Variants in AUTS2 observed in about 807,000 individuals in gnomAD.
AUTS2 encodes the protein activator of transcription and developmental regulator AUTS2.
AUTS2 carries 17 observed loss-of-function variants against 112.4 expected under a neutral mutation model. The observed-to-expected ratio is 0.15, with a 90% CI of 0.10 to 0.23. The LOEUF (loss-of-function observed/expected upper bound fraction) is 0.23. Ranked by LOEUF, AUTS2 falls within the 10% of genes least tolerant of loss-of-function variation. AUTS2 has a pLI of 1.00. For missense variants in AUTS2, 1,510 were observed against 1,701.6 expected, an observed-to-expected ratio of 0.89 and a Z score of 1.98; for synonymous variants, 751 against 702.7, an observed-to-expected ratio of 1.07 and a Z score of -1.09.
chr7:69,866,803 C>T (rs913426995), intron 1 of AUTS2, among the ~76,000 whole-genome samples: 3 of 152,114 alleles, frequency 2.0e-5, no homozygotes, highest in African/African-American at 4.8e-5. Flanking sequence ...TCCACCTTCC[C>T]GGGGATTTTC....
intron 14 of AUTS2, 89 bp downstream of exon 14, chr7:70,777,263 A>G (rs1391428825): frequency 8.3e-7 from 1 of 1,211,366 alleles, no homozygotes; most frequent in Non-Finnish European, 1.2e-6. Flanking sequence ...GGAGGCATTT[A>G]AAACACATTT....
rs1228674594 is a variant in AUTS2 at position 70,043,582 on chromosome 7, TTCCTTCCTTCCTTCCTTCCTTCC to T, written c.523-74548_523-74526del. On this transcript the variant is annotated intron_variant, in intron 2 of 18. Coordinates refer to ENST00000342771, the MANE Select transcript of AUTS2 (RefSeq NM_015570.4). ...CTTCCTTCCTTCCTTCCTTCCTTCC[TTCCTTCCTTCCTTCCTTCCTTCC>T]TTTTTTTTTTTTTTTTATTTTTGGT... is the stretch of plus-strand genomic sequence containing the variant. 3.1e-4 allele frequency among the ~76,000 whole-genome samples: 36 copies of T among 117,714 alleles called. 1 individual carries two copies. The highest frequency in any genetic ancestry group is 9.0e-4 in the South Asian group (3 of 3,340). The allele number at this position is 117,714 out of a possible 152,430, so 77.2% of individuals were successfully genotyped here. A position where few individuals can be genotyped will look rare whatever the true frequency, so the allele number is the denominator to read the frequency against.
intron 6 of AUTS2, among the ~76,000 whole-genome samples, chr7:70,716,039 A>G (rs897124291): frequency 1.3e-5 from 2 of 152,226 alleles, no homozygotes; most frequent in African/African-American, 4.8e-5. Flanking sequence ...AAAAACCTGA[A>G]TCGTGTTTGG....
At chr7:70,403,726 A>G (rs1202874019) in intron 4 of AUTS2, among the ~76,000 whole-genome samples, 2 of 152,198 alleles carry the variant, frequency 1.3e-5, no homozygotes, top group African/African-American at 2.4e-5. Flanking sequence ...GCAAAAGAAT[A>G]CATAAGGAAG....
chr7:69,940,368 A>G lies in AUTS2; in HGVS notation c.522+40870A>G, dbSNP rs565634947. 1.7e-3 allele frequency among the ~76,000 whole-genome samples: 263 copies of G among 152,198 alleles called. 1 individual carries two copies. The highest frequency in any genetic ancestry group is 3.4e-3 in the Non-Finnish European group (231 of 68,038). ...AAAATGTCTTTTGGGATGAAACATG[A>G]AGGATGAGTAGGTGCTCTCTAGGTG... On this transcript the variant is annotated intron_variant, in intron 2 of 18. Transcript: ENST00000342771.
chr7:70,204,180 A>G (rs1336882287), intron 4 of AUTS2, among the ~76,000 whole-genome samples: 1 of 152,148 alleles, frequency 6.6e-6, no homozygotes, highest in African/African-American at 2.4e-5. Flanking sequence ...TGAACAAGGA[A>G]TGTGTTGCCT....
intron 2 of AUTS2, among the ~76,000 whole-genome samples, chr7:69,916,014 T>C (rs11508453): frequency 0.35 from 54,011 of 152,182 alleles, 10,055 homozygotes; most frequent in African/African-American, 0.46. Flanking sequence ...CCACCGTGCC[T>C]GGCCTTTTGA....
At chr7:70,720,779 G>C (rs2129551264) in intron 6 of AUTS2, among the ~76,000 whole-genome samples, 1 of 152,252 alleles carries the variant, frequency 6.6e-6, no homozygotes, top group Non-Finnish European at 1.5e-5. Context: ...ACAGCACATT[G>C]TTCTGCTTTG....
chr7:70,361,870 TTATGTA>T (rs572372370), intron 4 of AUTS2, among the ~76,000 whole-genome samples: 10 of 152,314 alleles, frequency 6.6e-5, no homozygotes, highest in South Asian at 2.1e-4. Context: ...AAGATAAGTT[TTATGTA>T]TATGTATATG....
At chr7:70,749,151 A>C (rs1012245195) in intron 6 of AUTS2, among the ~76,000 whole-genome samples, 1 of 152,092 alleles carries the variant, frequency 6.6e-6, no homozygotes, top group Non-Finnish European at 1.5e-5. Context: ...TCCAACCTAC[A>C]TGTCGGTAGA....
At chr7:69,755,797 G>A (rs769248818) in intron 1 of AUTS2, among the ~76,000 whole-genome samples, 1 of 151,948 alleles carries the variant, frequency 6.6e-6, no homozygotes, top group Non-Finnish European at 1.5e-5. Context: ...GGGCATGTAC[G>A]GGTCAAGAAA....
At position 70,385,187 on chromosome 7, in the gene AUTS2, C is replaced by T. The variant is rs570726469; in HGVS notation, c.661-50565C>T. ...TAATCATCTGTTGCTTTCTGCTTATCCACTAAACTGTTCTCCCTAAAGACA... is the reference window on the plus strand; with the variant it reads ...TAATCATCTGTTGCTTTCTGCTTATTCACTAAACTGTTCTCCCTAAAGACA... On this transcript the variant is annotated intron_variant, in intron 4 of 18. Coordinates refer to ENST00000342771, the MANE Select transcript of AUTS2 (RefSeq NM_015570.4). Among the ~76,000 whole-genome samples, 5 of 152,286 alleles carry T rather than the reference C, an allele frequency of 3.3e-5. No homozygotes were observed. The South Asian group carries it at 1.0e-3, about 32-fold the overall frequency.
intron 2 of AUTS2, 22 bp downstream of exon 2, chr7:69,899,520 C>G (rs746001771): frequency 2.1e-5 from 34 of 1,612,182 alleles, no homozygotes; most frequent in Non-Finnish European, 2.9e-5. Context: ...TGGGTTCGCT[C>G]TTTCCTGTGG....
At chr7:69,923,935 T>C (rs1724075597) in intron 2 of AUTS2, among the ~76,000 whole-genome samples, 1 of 152,210 alleles carries the variant, frequency 6.6e-6, no homozygotes, top group African/African-American at 2.4e-5. Flanking sequence ...GTATCTTCTC[T>C]GTCTTTTTCT....
At chr7:70,454,114 G>T (rs1796637645) in intron 5 of AUTS2, among the ~76,000 whole-genome samples, 2 of 152,188 alleles carry the variant, frequency 1.3e-5, no homozygotes, top group Admixed American at 1.3e-4. Flanking sequence ...TTTGTGGGTG[G>T]TCGAAGAACT....
In AUTS2 at chr7:70,709,429, C is replaced by G. The variant is rs182378202; in HGVS notation, c.742+10809C>G. Among the ~76,000 whole-genome samples the G allele has an allele frequency of 7.9e-5, 12 of 152,186 alleles. No individual in the cohort carries two copies. In the East Asian group the frequency reaches 2.0e-3, roughly 25 times the overall value. On this transcript the variant is annotated intron_variant, in intron 6 of 18. Transcript: ENST00000342771. Reference sequence around the variant, plus strand: ...GTTTGTGTTAGAAATATTCTAGGGCCAGCCAGCACAGTGGCTCACGCCTAT... The same window carrying G: ...GTTTGTGTTAGAAATATTCTAGGGCGAGCCAGCACAGTGGCTCACGCCTAT...
chr7:69,869,137 G>A (rs1363397962), intron 1 of AUTS2, among the ~76,000 whole-genome samples: 1 of 152,122 alleles, frequency 6.6e-6, no homozygotes, highest in African/African-American at 2.4e-5. Context: ...ACAGAGTTAC[G>A]CAAGCGAAAT....
chr7:69,808,988 T>G (rs2129524581), intron 1 of AUTS2, among the ~76,000 whole-genome samples: 1 of 152,242 alleles, frequency 6.6e-6, no homozygotes, highest in Middle Eastern at 3.4e-3. Flanking sequence ...CTGTGTGACA[T>G]CATACCTATC....
intron 1 of AUTS2, among the ~76,000 whole-genome samples, chr7:69,720,373 C>A (rs1798860550): frequency 6.6e-6 from 1 of 152,132 alleles, no homozygotes; most frequent in African/African-American, 2.4e-5. Context: ...ATGGGAGTCC[C>A]AGCCTGGCTC....
Sources: allele counts gnomAD v4.1 joint callset (sites outside exome capture counted in the v4.1 genomes callset), GRCh38; gene constraint gnomAD v4.1.1; transcripts MANE v1.5; gene names NCBI Gene and HGNC (gene_info 2026-07-23, HGNC 2026-07-21).